Variants in RETREG1 observed in about 807,000 individuals in gnomAD.
RETREG1 encodes the protein family with sequence similarity 134 member B.
In RETREG1, 44 loss-of-function variants were observed where a neutral mutation model predicts 54.8. That is an observed-to-expected ratio of 0.80 (90% CI 0.63 to 1.03). RETREG1 has a LOEUF of 1.03. Ranked by LOEUF, RETREG1 falls within the 50% of genes least tolerant of loss-of-function variation. The pLI is 0.00. For synonymous variants in RETREG1, 217 were observed against 238.5 expected (o/e 0.91, Z 0.83); for missense variants, 554 against 605.1 (o/e 0.92, Z 0.89).
chr5:16,543,507 C>A lies in RETREG1; in HGVS notation c.458+22256G>T, dbSNP rs1741303086. On this transcript the variant is annotated intron_variant, in intron 3 of 8. Coordinates refer to ENST00000306320, the MANE Select transcript of RETREG1 (RefSeq NM_001034850.3). ...TCTAGCCAACATGATGAAACCCTAT[C>A]TCTAGTAAAAATACAAAAATTAGCC... is the stretch of plus-strand genomic sequence containing the variant. Among the ~76,000 whole-genome samples the A allele has an allele frequency of 3.3e-5, 5 of 152,180 alleles. No homozygotes were observed. The South Asian group carries it at 8.3e-4, about 25-fold the overall frequency.
At chr5:16,610,213 T>C (rs554206399) in intron 1 of RETREG1, among the ~76,000 whole-genome samples, 1 of 152,314 alleles carries the variant, frequency 6.6e-6, no homozygotes, top group African/African-American at 2.4e-5. Flanking sequence ...CCTGCTGGCA[T>C]TCAGGACTGC....
chr5:16,573,726 G>GGTTT (rs1561125638), intron 1 of RETREG1, among the ~76,000 whole-genome samples: 6 of 144,620 alleles, frequency 4.1e-5, no homozygotes, highest in Non-Finnish European at 7.6e-5. Flanking sequence ...TGGTTTTTTG[G>GGTTT]GTTTGTTTGT....
intron 3 of RETREG1, among the ~76,000 whole-genome samples, chr5:16,562,993 G>A (rs570772596): frequency 2.0e-5 from 3 of 152,146 alleles, no homozygotes; most frequent in African/African-American, 7.2e-5. Flanking sequence ...GGGATGGGGG[G>A]GACTGTTTCC....
intron 1 of RETREG1, among the ~76,000 whole-genome samples, chr5:16,610,430 A>G (rs915365550): frequency 3.3e-5 from 5 of 152,252 alleles, no homozygotes; most frequent in Non-Finnish European, 7.3e-5. Flanking sequence ...GTCTCCAACC[A>G]TGGGTCCAAA....
chr5:16,540,426 G>C (rs192974568), intron 3 of RETREG1, among the ~76,000 whole-genome samples: 25 of 152,224 alleles, frequency 1.6e-4, no homozygotes, highest in Admixed American at 5.9e-4. Context: ...CTAAGTAACG[G>C]ATTCCTTTCC....
chr5:16,523,855 G>A (rs572780535), intron 3 of RETREG1, among the ~76,000 whole-genome samples: 51 of 152,134 alleles, frequency 3.4e-4, no homozygotes, highest in African/African-American at 1.1e-3. Flanking sequence ...TACTTTGGGC[G>A]GTAATCCAGT....
At chr5:16,596,209 T>G (rs2126350219) in intron 1 of RETREG1, among the ~76,000 whole-genome samples, 1 of 152,308 alleles carries the variant, frequency 6.6e-6, no homozygotes, top group East Asian at 1.9e-4. Context: ...ATAATATGGT[T>G]TACTAGGTCA....
intron 3 of RETREG1, among the ~76,000 whole-genome samples, chr5:16,519,345 G>A (rs926087576): frequency 6.6e-5 from 10 of 152,238 alleles, no homozygotes; most frequent in African/African-American, 2.4e-4. Flanking sequence ...AGGTTTAAAT[G>A]GGGGCAGGTC....
intron 8 of RETREG1, among the ~76,000 whole-genome samples, chr5:16,477,317 C>A (rs1034940065): frequency 1.3e-5 from 2 of 152,120 alleles, no homozygotes; most frequent in Admixed American, 6.6e-5. Flanking sequence ...AGGACACTTT[C>A]ATCACTCCAA....
At chr5:16,495,137 T>C (rs1478465506) in intron 3 of RETREG1, among the ~76,000 whole-genome samples, 1 of 152,142 alleles carries the variant, frequency 6.6e-6, no homozygotes, top group African/African-American at 2.4e-5. Context: ...AGCAGCAAGG[T>C]GTTCAAGATG....
At chr5:16,495,462 A>G (rs1664878) in intron 3 of RETREG1, among the ~76,000 whole-genome samples, 87,970 of 152,010 alleles carry the variant, frequency 0.58, 25,761 homozygotes, top group Admixed American at 0.72. Context: ...GGTTTTTGTG[A>G]GCCAGGCCCA....
chr5:16,490,795 G>T (rs2126532920), intron 3 of RETREG1, among the ~76,000 whole-genome samples: 1 of 152,330 alleles, frequency 6.6e-6, no homozygotes, highest in African/African-American at 2.4e-5. Context: ...TTGGAACATG[G>T]GGACCATTGC....
intron 3 of RETREG1, among the ~76,000 whole-genome samples, chr5:16,493,239 A>C (rs751126249): frequency 2.0e-5 from 3 of 152,180 alleles, no homozygotes; most frequent in Non-Finnish European, 4.4e-5. Flanking sequence ...GGAGGCTGAC[A>C]CTCAACTACC....
Position 16,474,760 on chromosome 5 carries a change from T to C in RETREG1, c.1475A>G (p.Asn492Ser). The C allele has an allele frequency of 6.2e-7, 1 of 1,613,190 alleles. No individual in the cohort carries two copies. The highest frequency in any genetic ancestry group is 2.2e-5 in the East Asian group (1 of 44,854). ...CCTAGATTAATGGCCTCCCAGCAGATTTGAAAGGAAACCTGAAGACTTCTT... is the reference window on the plus strand; with the variant it reads ...CCTAGATTAATGGCCTCCCAGCAGACTTGAAAGGAAACCTGAAGACTTCTT... The part of the protein sequence containing the change: ...QNKKSSGFLS[N>S]LLGGH The change falls in exon 9 of 9, where the codon AAT becomes AGT. Residue 492 changes from asparagine to serine, a missense_variant. Asn to Ser is a conservative substitution (Grantham distance 46). Around this residue, in one of 4 missense-constraint regions of RETREG1, gnomAD observed 30 missense variants for 32.4 expected, o/e 0.93. Transcript: ENST00000306320.
intron 3 of RETREG1, among the ~76,000 whole-genome samples, chr5:16,512,790 C>T (rs1740220259): frequency 6.6e-6 from 1 of 152,162 alleles, no homozygotes; most frequent in South Asian, 2.1e-4. Flanking sequence ...ATTAAAACTA[C>T]ATTTCTCAGA....
intron 3 of RETREG1, among the ~76,000 whole-genome samples, chr5:16,551,021 GT>G (rs943202647): frequency 6.6e-6 from 1 of 152,192 alleles, no homozygotes; most frequent in Non-Finnish European, 1.5e-5. Context: ...CTAGACAGTG[GT>G]GATGGTTGCA....
intron 7 of RETREG1, 52 bp from the exon 8 acceptor site, chr5:16,477,840 A>G (rs778281841): frequency 1.2e-6 from 2 of 1,607,528 alleles, no homozygotes; most frequent in Non-Finnish European, 1.7e-6. Context: ...GCTGAAGGGA[A>G]TATTTTGAAA....
chr5:16,574,837 A>G (rs1414833086), intron 1 of RETREG1, among the ~76,000 whole-genome samples: 1 of 152,362 alleles, frequency 6.6e-6, no homozygotes, highest in East Asian at 1.9e-4. Flanking sequence ...GATGGAACAG[A>G]CATAAAAGAC....
intron 3 of RETREG1, among the ~76,000 whole-genome samples, chr5:16,540,744 C>T (rs2126605783): frequency 6.6e-6 from 1 of 152,304 alleles, no homozygotes; most frequent in African/African-American, 2.4e-5. Context: ...CTCACACCAG[C>T]CACAGGCCTC....
Sources: allele counts gnomAD v4.1 joint callset (sites outside exome capture counted in the v4.1 genomes callset), GRCh38; gene constraint gnomAD v4.1.1; regional missense constraint gnomAD v4.1.1; transcripts MANE v1.5; gene names NCBI Gene and HGNC (gene_info 2026-07-23, HGNC 2026-07-21).